The following ARHGAP19 variants were observed in gnomAD, a reference collection of about 807,000 sequenced individuals.
ARHGAP19 encodes Rho GTPase activating protein 19.
ARHGAP19 carries 48 observed loss-of-function variants against 60.9 expected under a neutral mutation model. The observed-to-expected ratio is 0.79, with a 90% confidence interval of 0.62 to 1.00. ARHGAP19 has a LOEUF of 1.00. Among genes scored for constraint, ARHGAP19 ranks in the 50% least tolerant of loss-of-function variants. The pLI, the probability that ARHGAP19 is intolerant of heterozygous loss-of-function variation, is 0.00. For synonymous variants in ARHGAP19, 209 were observed against 215.5 expected, an observed-to-expected ratio of 0.97 and a Z score of 0.27; for missense variants, 562 against 597.2, an observed-to-expected ratio of 0.94 and a Z score of 0.61.
chr10:97,242,085 C>T (rs923517257), intron 8 of ARHGAP19, among the ~76,000 whole-genome samples: 12 of 149,354 alleles, frequency 8.0e-5, no homozygotes, highest in African/African-American at 2.7e-4. Context: ...AGTCTGCATG[C>T]ATGCATAAGA....
chr10:97,258,215 G>T (rs1842781665), intron 5 of ARHGAP19, among the ~76,000 whole-genome samples: 1 of 152,056 alleles, frequency 6.6e-6, no homozygotes, highest in South Asian at 2.1e-4. Context: ...ATGGCTTGTA[G>T]ACAGCTGTTT....
intron 1 of ARHGAP19, among the ~76,000 whole-genome samples, chr10:97,279,781 C>A (rs1456122014): frequency 6.6e-6 from 1 of 152,110 alleles, no homozygotes; most frequent in Non-Finnish European, 1.5e-5. Flanking sequence ...TAAGCCACCA[C>A]GCCCAGCCCA....
intron 1 of ARHGAP19, among the ~76,000 whole-genome samples, chr10:97,288,807 TC>T (rs1275395045): frequency 7.0e-6 from 1 of 142,090 alleles, no homozygotes; most frequent in Non-Finnish European, 1.5e-5. Context: ...CAAACTTCTC[TC>T]CTTTTTTTTT....
At chr10:97,232,286 C>T (rs938027447) in intron 9 of ARHGAP19, among the ~76,000 whole-genome samples, 19 of 150,972 alleles carry the variant, frequency 1.3e-4, no homozygotes, top group Non-Finnish European at 1.5e-4. Flanking sequence ...GCCTCAGCCT[C>T]CTGAGTAGCT....
At chr10:97,252,011 G>A (rs891034198) in intron 6 of ARHGAP19, among the ~76,000 whole-genome samples, 3 of 151,758 alleles carry the variant, frequency 2.0e-5, no homozygotes, top group African/African-American at 7.3e-5. Flanking sequence ...TTAGAAATTG[G>A]CCTTAACTGT....
At chr10:97,243,258 AG>A (rs2134837753) in intron 8 of ARHGAP19, among the ~76,000 whole-genome samples, 1 of 152,308 alleles carries the variant, frequency 6.6e-6, no homozygotes, top group South Asian at 2.1e-4. Context: ...TCTTCCCCCA[AG>A]GAAGTCCCAG....
chr10:97,292,632 G>C lies in ARHGAP19; in HGVS notation c.-5C>G. The C allele has an allele frequency of 2.5e-6, 4 of 1,614,170 alleles. No homozygotes were observed. The highest frequency in any genetic ancestry group is 3.4e-6 in the Non-Finnish European group (4 of 1,180,034). On this transcript the variant is annotated 5_prime_UTR_variant, in exon 1 of 12. Transcript: ENST00000358531. ...ACTCTGTGCCTCAGTCGCCATCTTC[G>C]TCAGCAAACTTCTTTCACCGCCCCA...
Position 97,224,727 on chromosome 10 carries a change from T to G in ARHGAP19, c.*1395A>C, listed in dbSNP as rs1386557484. On this transcript the variant is annotated 3_prime_UTR_variant, in exon 12 of 12. Coordinates refer to ENST00000358531, the MANE Select transcript of ARHGAP19 (RefSeq NM_032900.6). The stretch of plus-strand genomic sequence containing the variant: ...GCTCCAACCCACAGGGTGAGAAGGG[T>G]TGTACAGCTCCACAGAGCCAGGCAC... 6.6e-6 allele frequency: 1 copy of G among 152,154 alleles called. No homozygotes were observed. The highest frequency in any genetic ancestry group is 1.5e-5 in the Non-Finnish European group (1 of 68,054). The allele number at this position is 152,154 out of a possible 1,614,324, so 9.4% of individuals were successfully genotyped here. A position where few individuals can be genotyped will look rare whatever the true frequency, so the allele number is the denominator to read the frequency against.
intron 11 of ARHGAP19, among the ~76,000 whole-genome samples, chr10:97,228,757 A>G (rs1850946841): frequency 1.3e-5 from 2 of 152,238 alleles, no homozygotes; most frequent in South Asian, 4.1e-4. Context: ...TTCACTAATT[A>G]GGGCTGGCCT....
chr10:97,264,712 G>A (rs552150780), intron 3 of ARHGAP19, 114 bp downstream of exon 3: 9 of 675,162 alleles, frequency 1.3e-5, no homozygotes, highest in East Asian at 8.1e-5. Flanking sequence ...ATTAACACTG[G>A]TTAGTTCCTT....
Position 97,222,345 on chromosome 10 carries a change from G to A in ARHGAP19, c.*3777C>T, listed in dbSNP as rs1243582576. Reference sequence around the variant, plus strand: ...CTCTTGTTGAGCAAGCTCAGGGATAGGACAAAGGCAACCCTTGCTCTGCAG... The same window carrying A: ...CTCTTGTTGAGCAAGCTCAGGGATAAGACAAAGGCAACCCTTGCTCTGCAG... On this transcript the variant is annotated 3_prime_UTR_variant, in exon 12 of 12. Coordinates refer to ENST00000358531, the MANE Select transcript of ARHGAP19 (RefSeq NM_032900.6). 6.6e-6 allele frequency: 1 copy of A among 152,234 alleles called. No homozygotes were observed. Among genetic ancestry groups the A allele is most frequent in the East Asian group, 1.9e-4 (1 of 5,204 alleles). 9.4% of individuals were successfully genotyped at this position (152,234 alleles called of 1,614,324 possible).
chr10:97,259,524 G>C lies in ARHGAP19; in HGVS notation c.718C>G (p.Arg240Gly), dbSNP rs765065175. The change falls in exon 5 of 12, where the codon CGT becomes GGT. Residue 240 changes from arginine (R) to glycine (G), a missense_variant. Arg to Gly is a moderately radical substitution (Grantham distance 125). Coordinates refer to ENST00000358531, the MANE Select transcript of ARHGAP19 (RefSeq NM_032900.6). ...LLFLILPPPN[R>G]NLLKLLLDLL... The stretch of plus-strand genomic sequence containing the variant: ...TCAAGCAATAACTTCAGCAAATTAC[G>C]ATTAGGAGGAGGGAGAATGAGGAAG... 3 of 1,614,000 alleles carry C rather than the reference G, an allele frequency of 1.9e-6. No homozygotes were observed. The highest frequency in any genetic ancestry group is 1.1e-5 in the South Asian group (1 of 91,086).
chr10:97,226,573 A>C (rs776847671), intron 11 of ARHGAP19, among the ~76,000 whole-genome samples: 1 of 151,946 alleles, frequency 6.6e-6, no homozygotes, highest in Non-Finnish European at 1.5e-5. Context: ...CCCTCTCAAC[A>C]CTCAATGTTT....
rs750446478 is a variant in ARHGAP19, at chr10:97,246,311, C to T, written c.954G>A (p.Ala318=). The T allele has an allele frequency of 1.4e-5, 23 of 1,613,816 alleles. No individual in the cohort carries two copies. Among genetic ancestry groups the T allele is most frequent in the African/African-American group, 5.3e-5 (4 of 75,008 alleles). Residue 318 remains alanine, a synonymous_variant, in exon 7 of 12, where the codon GCG becomes GCA. Coordinates refer to ENST00000358531, the MANE Select transcript of ARHGAP19 (RefSeq NM_032900.6). The part of the protein sequence containing the change: ...FKAPAYIREC[A]RLHYLGSRTQ... ...TTCTGGATCCCAAATAGTGCAATCT[C>T]GCACACTCCCGAATGTAAGCAGGAG...
At chr10:97,284,082 C>T (rs955653403) in intron 1 of ARHGAP19, among the ~76,000 whole-genome samples, 1 of 151,948 alleles carries the variant, frequency 6.6e-6, no homozygotes, top group African/African-American at 2.4e-5. Context: ...TACAGGTGCA[C>T]ACCACCACAC....
intron 8 of ARHGAP19, 146 bp from the exon 9 acceptor site, chr10:97,235,461 A>G (rs146702591): frequency 1.3e-5 from 8 of 635,762 alleles, no homozygotes; most frequent in Non-Finnish European, 1.8e-5. Context: ...AGCCAATCAC[A>G]AAGTCAGAAA....
rs951528035 is a variant in ARHGAP19, at chr10:97,261,801, A to G, written c.613+1619T>C. Among the ~76,000 whole-genome samples the G allele has an allele frequency of 1.1e-4, 16 of 152,346 alleles. 1 individual carries two copies. Among genetic ancestry groups the G allele is most frequent in the Admixed American group, 1.0e-3 (16 of 15,300 alleles). On this transcript the variant is annotated intron_variant, in intron 4 of 11. Transcript: ENST00000358531. ...AAACTAAGCAACTGCAGTAATGGAT[A>G]TTGATGCTGTGAACACTTAGAGCCC...
chr10:97,247,133 A>G lies in ARHGAP19; in HGVS notation c.928-796T>C, dbSNP rs373718847. On this transcript the variant is annotated intron_variant, in intron 6 of 11. Coordinates refer to ENST00000358531, the MANE Select transcript of ARHGAP19 (RefSeq NM_032900.6). ...GCCTGGGCAACAAGAGCGAAACTCCATCTCAAAAAAAAAAAAATTACAAAA... is the reference window on the plus strand; with the variant it reads ...GCCTGGGCAACAAGAGCGAAACTCCGTCTCAAAAAAAAAAAAATTACAAAA... Among the ~76,000 whole-genome samples the G allele has an allele frequency of 2.8e-3, 417 of 151,280 alleles. 2 individuals are homozygous for G. The highest frequency in any genetic ancestry group is 8.9e-3 in the African/African-American group (366 of 41,208).
chr10:97,243,650 G>C (rs951348007), intron 8 of ARHGAP19, among the ~76,000 whole-genome samples: 1 of 152,142 alleles, frequency 6.6e-6, no homozygotes, highest in Non-Finnish European at 1.5e-5. Context: ...AAAGTTATTT[G>C]CTAAGAAAAT....
Sources: gnomAD v4.1 joint callset for allele counts (sites outside exome capture counted in the v4.1 genomes callset) on GRCh38, gnomAD v4.1.1 for gene constraint, MANE v1.5 for transcripts, NCBI Gene and HGNC (gene_info 2026-07-23, HGNC 2026-07-21) for gene names.